ERC2: variants seen among roughly 807,000 people sequenced by gnomAD.
ERC2 encodes ELKS/RAB6-interacting/CAST family member 2.
ERC2 carries 42 observed loss-of-function variants against 114.8 expected under a neutral mutation model. That is an observed-to-expected ratio of 0.37 (90% CI 0.29 to 0.47). ERC2 has a LOEUF of 0.47. Among genes scored for constraint, ERC2 ranks in the 20% least tolerant of loss-of-function variants. The pLI is 0.99. For synonymous variants in ERC2, 454 were observed against 425.5 expected (o/e 1.07, Z -0.82); for missense variants, 939 against 1,150.7 (o/e 0.82, Z 2.66).
At chr3:55,859,725 A>G (rs1488617081) in intron 14 of ERC2, among the ~76,000 whole-genome samples, 2 of 147,788 alleles carry the variant, frequency 1.4e-5, no homozygotes, top group Non-Finnish European at 3.0e-5. Context: ...AAAGGAACGA[A>G]GTGTTTGACA....
intron 17 of ERC2, among the ~76,000 whole-genome samples, chr3:55,549,630 A>G (rs1201124264): frequency 2.6e-5 from 4 of 152,106 alleles, no homozygotes; most frequent in Non-Finnish European, 5.9e-5. Context: ...GCTCAGAGCT[A>G]AGAATGATTG....
At chr3:56,217,070 T>G (rs28829645) in intron 3 of ERC2, among the ~76,000 whole-genome samples, 6,777 of 152,188 alleles carry the variant, frequency 0.045, 205 homozygotes, top group African/African-American at 0.083. Context: ...CATTCCCTTT[T>G]AAAACTGGCA....
intron 14 of ERC2, among the ~76,000 whole-genome samples, chr3:55,764,657 T>C (rs546902913): frequency 1.2e-4 from 19 of 152,266 alleles, no homozygotes; most frequent in Admixed American, 1.2e-3. Flanking sequence ...TCTAAACAAA[T>C]AGGGTTTTCT....
At chr3:55,539,158 A>G (rs534649132) in intron 17 of ERC2, among the ~76,000 whole-genome samples, 1 of 152,290 alleles carries the variant, frequency 6.6e-6, no homozygotes, top group South Asian at 2.1e-4. Flanking sequence ...CAGAGCTACT[A>G]GGCATGAAAG....
intron 4 of ERC2, among the ~76,000 whole-genome samples, chr3:56,163,549 T>C (rs2082166670): frequency 6.6e-6 from 1 of 152,158 alleles, no homozygotes; most frequent in Non-Finnish European, 1.5e-5. Context: ...CTCTGAGTGC[T>C]CCAGTGTTGG....
chr3:56,459,540 C>T (rs2063217770), intron 1 of ERC2, among the ~76,000 whole-genome samples: 1 of 151,926 alleles, frequency 6.6e-6, no homozygotes, highest in African/African-American at 2.4e-5. Flanking sequence ...CACACACACA[C>T]ACACACACAC....
intron 15 of ERC2, among the ~76,000 whole-genome samples, chr3:55,702,603 T>C (rs919577936): frequency 2.4e-4 from 37 of 152,130 alleles, no homozygotes; most frequent in African/African-American, 8.9e-4. Flanking sequence ...GGTTTACACA[T>C]AGACAAGGGT....
intron 7 of ERC2, among the ~76,000 whole-genome samples, chr3:56,032,889 G>GAAAGAAAGAAAGAAAGAA: frequency 2.3e-5 from 2 of 88,610 alleles, no homozygotes; most frequent in Middle Eastern, 4.7e-3. Context: ...GAAAGAAAGA[G>GAAAGAAAGAAAGAAAGAA]AGAGAGAGAG....
At chr3:55,648,105 G>A (rs2060470611) in intron 17 of ERC2, among the ~76,000 whole-genome samples, 1 of 152,110 alleles carries the variant, frequency 6.6e-6, no homozygotes, top group Admixed American at 6.5e-5. Flanking sequence ...AGGTTGGAAG[G>A]GTTATTCTTC....
intron 15 of ERC2, among the ~76,000 whole-genome samples, chr3:55,729,701 G>A (rs1196147012): frequency 6.6e-6 from 1 of 151,702 alleles, no homozygotes; most frequent in Non-Finnish European, 1.5e-5. Flanking sequence ...AGCTAGGCAT[G>A]GTTGTGCACA....
At chr3:55,563,904 G>A (rs2056198255) in intron 17 of ERC2, among the ~76,000 whole-genome samples, 1 of 152,148 alleles carries the variant, frequency 6.6e-6, no homozygotes, top group Admixed American at 6.5e-5. Context: ...TTTTGAGCTG[G>A]GCTTCTGCCA....
At chr3:55,873,468 T>G (rs555516221) in intron 14 of ERC2, among the ~76,000 whole-genome samples, 182 of 152,320 alleles carry the variant, frequency 1.2e-3, no homozygotes, top group African/African-American at 4.3e-3. Flanking sequence ...TGAATTGATA[T>G]ATATAAAGAT....
At chr3:56,170,833 C>A (rs984170715) in intron 4 of ERC2, among the ~76,000 whole-genome samples, 1 of 148,720 alleles carries the variant, frequency 6.7e-6, no homozygotes, top group Non-Finnish European at 1.5e-5. Flanking sequence ...GGCACGATCT[C>A]GACTCACTGC....
chr3:56,150,281 T>C (rs1449477191), intron 4 of ERC2, among the ~76,000 whole-genome samples: 1 of 152,214 alleles, frequency 6.6e-6, no homozygotes, highest in Non-Finnish European at 1.5e-5. Context: ...GCAACAAATG[T>C]GTCTGTCCTG....
At chr3:56,165,370 AC>A (rs2082268546) in intron 4 of ERC2, among the ~76,000 whole-genome samples, 1 of 151,746 alleles carries the variant, frequency 6.6e-6, no homozygotes, top group Non-Finnish European at 1.5e-5. Flanking sequence ...TGCACAGTGT[AC>A]ACGTTAGTTA....
chr3:55,587,967 AATAAAT>A (rs1286448838), intron 17 of ERC2, among the ~76,000 whole-genome samples: 1 of 152,232 alleles, frequency 6.6e-6, no homozygotes, highest in African/African-American at 2.4e-5. Context: ...GCTCTTAAAA[AATAAAT>A]ATCATTGCCT....
At chr3:55,811,149 G>A (rs1398009982) in intron 14 of ERC2, among the ~76,000 whole-genome samples, 1 of 133,508 alleles carries the variant, frequency 7.5e-6, no homozygotes, top group African/African-American at 2.7e-5. Flanking sequence ...CTTTTAATTT[G>A]CTTTAATTTT....
chr3:55,759,226 T>C (rs964365008), intron 14 of ERC2, among the ~76,000 whole-genome samples: 9 of 152,094 alleles, frequency 5.9e-5, no homozygotes, highest in Admixed American at 2.6e-4. Flanking sequence ...ATCCCTGAAT[T>C]GGTGTATTGC....
chr3:56,305,559 A>C (rs945953817), intron 2 of ERC2, among the ~76,000 whole-genome samples: 3 of 138,376 alleles, frequency 2.2e-5, no homozygotes, highest in African/African-American at 8.3e-5. Flanking sequence ...CACACACTAT[A>C]ATAATCATAA....
Sources: gnomAD v4.1 joint callset for allele counts (sites outside exome capture counted in the v4.1 genomes callset) on GRCh38, gnomAD v4.1.1 for gene constraint, MANE v1.5 for transcripts, NCBI Gene and HGNC (gene_info 2026-07-23, HGNC 2026-07-21) for gene names.